Variants in ERBB4 observed in about 807,000 individuals in gnomAD.
ERBB4 encodes the protein erb-b2 receptor tyrosine kinase 4.
ERBB4 carries 42 observed loss-of-function variants against 158.0 expected under a neutral mutation model. The ratio of observed to expected loss-of-function variants is 0.27; its 90% CI spans 0.21 to 0.34. The LOEUF is 0.34. Ranked by LOEUF, ERBB4 falls within the 10% of genes least tolerant of loss-of-function variation. ERBB4 has a pLI of 1.00. For synonymous variants in ERBB4, 583 were observed against 558.7 expected, an observed-to-expected ratio of 1.04 and a Z score of -0.61; for missense variants, 1,333 against 1,624.1, an observed-to-expected ratio of 0.82 and a Z score of 3.08.
At chr2:211,687,556 G>A (rs571736008) in intron 12 of ERBB4, among the ~76,000 whole-genome samples, 39 of 136,730 alleles carry the variant, frequency 2.9e-4, no homozygotes, top group Non-Finnish European at 5.6e-4. Context: ...TTGTATGTTT[G>A]TTTGTTGTTT....
chr2:211,710,421 T>C (rs1463701277), intron 9 of ERBB4, among the ~76,000 whole-genome samples: 1 of 152,146 alleles, frequency 6.6e-6, no homozygotes. Flanking sequence ...CTAAATGTCA[T>C]ATATGCATTA....
intron 16 of ERBB4, among the ~76,000 whole-genome samples, chr2:211,642,393 C>T (rs1005159268): frequency 6.6e-6 from 1 of 151,986 alleles, no homozygotes; most frequent in African/African-American, 2.4e-5. Context: ...AGTTTCTTCC[C>T]TGTCTGGTCA....
intron 1 of ERBB4, among the ~76,000 whole-genome samples, chr2:212,245,708 G>T (rs2084283698): frequency 1.3e-5 from 2 of 152,066 alleles, no homozygotes; most frequent in Non-Finnish European, 2.9e-5. Context: ...GAAAACAACT[G>T]TCAATGTTCC....
At chr2:212,508,456 T>C (rs1460383283) in intron 1 of ERBB4, among the ~76,000 whole-genome samples, 1 of 152,202 alleles carries the variant, frequency 6.6e-6, no homozygotes, top group African/African-American at 2.4e-5. Flanking sequence ...TCACATTTTA[T>C]GAATCAATTA....
At chr2:212,191,924 TTA>T (rs1239935420) in intron 1 of ERBB4, among the ~76,000 whole-genome samples, 2 of 120,408 alleles carry the variant, frequency 1.7e-5, no homozygotes, top group Admixed American at 1.1e-4. Flanking sequence ...GTTATATATG[TTA>T]TATATTATAT....
chr2:212,409,481 T>C (rs2091438937), intron 1 of ERBB4, among the ~76,000 whole-genome samples: 1 of 152,170 alleles, frequency 6.6e-6, no homozygotes, highest in South Asian at 2.1e-4. Flanking sequence ...TATGTAAATA[T>C]AATATCTATT....
intron 3 of ERBB4, among the ~76,000 whole-genome samples, chr2:211,890,228 A>G (rs1434448350): frequency 2.2e-5 from 2 of 92,324 alleles, no homozygotes; most frequent in African/African-American, 9.2e-5. Flanking sequence ...CCTACAAGCC[A>G]GAAGAGAGTG....
intron 1 of ERBB4, among the ~76,000 whole-genome samples, chr2:212,362,962 CT>C (rs1256557348): frequency 6.6e-6 from 1 of 150,770 alleles, no homozygotes; most frequent in East Asian, 1.9e-4. Flanking sequence ...ATTTTACTGC[CT>C]ATAAAAACAT....
chr2:212,117,645 G>A (rs1317869398), intron 2 of ERBB4, among the ~76,000 whole-genome samples: 1 of 152,126 alleles, frequency 6.6e-6, no homozygotes, highest in African/African-American at 2.4e-5. Flanking sequence ...CAAAATGTGT[G>A]CATAACTGAA....
chr2:212,010,728 C>T (rs183091646), intron 2 of ERBB4, among the ~76,000 whole-genome samples: 92 of 152,076 alleles, frequency 6.0e-4, no homozygotes, highest in Middle Eastern at 3.4e-3. Flanking sequence ...GAGTTTTTTC[C>T]CCACCCTAGT....
chr2:212,203,052 C>A (rs2082633925), intron 1 of ERBB4, among the ~76,000 whole-genome samples: 1 of 151,800 alleles, frequency 6.6e-6, no homozygotes, highest in Admixed American at 6.6e-5. Flanking sequence ...ACAGAAGATA[C>A]AAAAGTGAAC....
At chr2:211,515,910 A>T (rs1293559399) in intron 20 of ERBB4, among the ~76,000 whole-genome samples, 3 of 83,168 alleles carry the variant, frequency 3.6e-5, no homozygotes, top group African/African-American at 6.3e-5. Context: ...ATATATATAT[A>T]TATTTTTTTT....
chr2:211,722,162 C>T (rs1411988461), intron 7 of ERBB4, among the ~76,000 whole-genome samples: 1 of 152,016 alleles, frequency 6.6e-6, no homozygotes, highest in Non-Finnish European at 1.5e-5. Flanking sequence ...CGCCCAGCCA[C>T]AGTAGGAGTT....
At chr2:211,604,018 C>A (rs2068891749) in intron 19 of ERBB4, among the ~76,000 whole-genome samples, 2 of 152,160 alleles carry the variant, frequency 1.3e-5, no homozygotes, top group East Asian at 3.9e-4. Flanking sequence ...GAAATTCTTT[C>A]TAATCTCTCA....
intron 1 of ERBB4, among the ~76,000 whole-genome samples, chr2:212,443,007 C>A (rs2092284716): frequency 6.6e-6 from 1 of 152,214 alleles, no homozygotes; most frequent in Non-Finnish European, 1.5e-5. Context: ...AATTGCAGCT[C>A]TTGTACCAGA....
At chr2:212,501,413 A>G (rs539537894) in intron 1 of ERBB4, among the ~76,000 whole-genome samples, 1 of 152,268 alleles carries the variant, frequency 6.6e-6, no homozygotes, top group East Asian at 1.9e-4. Flanking sequence ...ATACTCATCA[A>G]TTGATTAGGC....
At position 211,853,300 on chromosome 2, in the gene ERBB4, G is replaced by A. The variant is rs559564475; in HGVS notation, c.422-65141C>T. 3.3e-3 allele frequency among the ~76,000 whole-genome samples: 504 copies of A among 152,038 alleles called. 3 individuals carry two copies. The highest frequency in any genetic ancestry group is 0.017 in the Middle Eastern group (5 of 294). Reference sequence around the variant, plus strand: ...TGAGTGAATAGGTCCAGAGTGAGCAGTCTATGTTGCCTTTCTTTTAACTGG... The same window carrying A: ...TGAGTGAATAGGTCCAGAGTGAGCAATCTATGTTGCCTTTCTTTTAACTGG... On this transcript the variant is annotated intron_variant, in intron 3 of 27. Transcript: ENST00000342788.
At chr2:211,652,817 G>A (rs766099742) in intron 16 of ERBB4, among the ~76,000 whole-genome samples, 24 of 152,144 alleles carry the variant, frequency 1.6e-4, no homozygotes, top group Admixed American at 4.6e-4. Flanking sequence ...CTGTTTTAAT[G>A]ATTTCACAAA....
At position 211,395,337 on chromosome 2, in the gene ERBB4, G is replaced by A. The variant is rs543726539; in HGVS notation, c.3136-7345C>T. Among the ~76,000 whole-genome samples, 6 of 152,138 alleles carry A rather than the reference G, an allele frequency of 3.9e-5. No homozygotes were observed. In the East Asian group the frequency reaches 1.2e-3, roughly 29 times the overall value. On this transcript the variant is annotated intron_variant, in intron 25 of 27. Transcript: ENST00000342788. ...ACAGATAGAGACTCTGACACTCTGA[G>A]AGGTTAATTTTCCAAGGTAACAAAA...
Sources: allele counts gnomAD v4.1 joint callset (sites outside exome capture counted in the v4.1 genomes callset), GRCh38; gene constraint gnomAD v4.1.1; transcripts MANE v1.5; gene names NCBI Gene and HGNC (gene_info 2026-07-23, HGNC 2026-07-21).